CCDC28A: variants seen among roughly 807,000 people sequenced by gnomAD.
The protein encoded by CCDC28A is coiled-coil domain containing 28A.
Under a neutral mutation model 22.1 loss-of-function variants are expected in CCDC28A, and 24 were observed. That is an observed-to-expected ratio of 1.09 (90% CI 0.79 to 1.53). CCDC28A has a LOEUF of 1.53. Ranked by LOEUF, CCDC28A falls within the 40% of genes most tolerant of loss-of-function variation. CCDC28A has a pLI of 0.00. For synonymous variants in CCDC28A, 83 were observed against 74.7 expected, an observed-to-expected ratio of 1.11 and a Z score of -0.57; for missense variants, 170 against 210.7, an observed-to-expected ratio of 0.81 and a Z score of 1.20.
chr6:138,785,516 T>C lies in CCDC28A; in HGVS notation c.477+135T>C, dbSNP rs144679333. 331 of 631,296 alleles carry C rather than the reference T, an allele frequency of 5.2e-4. 2 individuals are homozygous for C. In the East Asian group the frequency reaches 9.1e-3, roughly 17 times the overall value. The allele number at this position is 631,296 out of a possible 1,614,324, so 39.1% of individuals were successfully genotyped here. A position where few individuals can be genotyped will look rare whatever the true frequency, so the allele number is the denominator to read the frequency against. ...CAGTGTTGTGCCGATCGCTGTTGAA[T>C]TGCGGAACACGTTCACCACCCCAGA... is the stretch of plus-strand genomic sequence containing the variant. On this transcript the variant is annotated intron_variant, in intron 4 of 5. Transcript: ENST00000617445.
chr6:138,792,611 A>G, intron 5 of CCDC28A, 138 bp from the exon 6 acceptor site: 2 of 655,948 alleles, frequency 3.0e-6, no homozygotes, highest in South Asian at 1.7e-5. Context: ...TGAGTGTCTC[A>G]GTAGCAACAC....
intron 3 of CCDC28A, among the ~76,000 whole-genome samples, chr6:138,783,498 C>T (rs544095754): frequency 2.0e-5 from 3 of 149,068 alleles, no homozygotes; most frequent in South Asian, 2.1e-4. Flanking sequence ...AGTGCAGTGG[C>T]GCGATCTCTG....
intron 4 of CCDC28A, among the ~76,000 whole-genome samples, chr6:138,786,145 C>T (rs1775091881): frequency 6.6e-6 from 1 of 152,204 alleles, no homozygotes; most frequent in Non-Finnish European, 1.5e-5. Flanking sequence ...GTCGTGTTCA[C>T]ATGGCTTCTT....
At chr6:138,788,961 TATC>T (rs550906435) in intron 5 of CCDC28A, among the ~76,000 whole-genome samples, 94 of 152,332 alleles carry the variant, frequency 6.2e-4, no homozygotes, top group Non-Finnish European at 1.1e-3. Context: ...CTATACTTAA[TATC>T]ATCACATAGG....
intron 1 of CCDC28A, among the ~76,000 whole-genome samples, chr6:138,775,878 A>G (rs921172620): frequency 5.9e-5 from 9 of 152,090 alleles, no homozygotes; most frequent in African/African-American, 1.9e-4. Context: ...AAACAAAACA[A>G]AAACTGTCTA....
intron 5 of CCDC28A, among the ~76,000 whole-genome samples, chr6:138,790,421 A>T (rs1278922271): frequency 2.0e-5 from 3 of 152,192 alleles, no homozygotes; most frequent in African/African-American, 7.2e-5. Flanking sequence ...AAGTGTTGGG[A>T]TTACAGGCAT....
chr6:138,779,791 C>A lies in CCDC28A; in HGVS notation c.159-31C>A, dbSNP rs570813066. 76 of 1,565,090 alleles carry A rather than the reference C, an allele frequency of 4.9e-5. 1 individual carries two copies. The South Asian group carries it at 8.9e-4, about 18-fold the overall frequency. ...AAGCAAAAGCTTAATCTAGAATAGC[C>A]TAAAAAGCCTAAATTTCATCGTCTT... On this transcript the variant is annotated intron_variant, in intron 2 of 5. Coordinates refer to ENST00000617445, the MANE Select transcript of CCDC28A (RefSeq NM_015439.3).
chr6:138,789,845 A>G (rs1288451028), intron 5 of CCDC28A, among the ~76,000 whole-genome samples: 3 of 152,184 alleles, frequency 2.0e-5, no homozygotes, highest in Non-Finnish European at 4.4e-5. Context: ...GGCGATTAAT[A>G]GCTAATCTTC....
At chr6:138,784,368 T>TG (rs1583523149) in intron 3 of CCDC28A, among the ~76,000 whole-genome samples, 1 of 149,974 alleles carries the variant, frequency 6.7e-6, no homozygotes, top group East Asian at 2.0e-4. Context: ...TTTTTTTTTT[T>TG]GAGACAAGGT....
At chr6:138,789,704 A>C (rs9495249) in intron 5 of CCDC28A, among the ~76,000 whole-genome samples, 42,339 of 151,904 alleles carry the variant, frequency 0.28, 6,507 homozygotes, top group African/African-American at 0.41. Flanking sequence ...GGGCGCCTGT[A>C]ATCCCAGCTA....
intron 2 of CCDC28A, among the ~76,000 whole-genome samples, chr6:138,777,028 T>A (rs72985038): frequency 0.031 from 4,793 of 152,300 alleles, 113 homozygotes; most frequent in Non-Finnish European, 0.041. Context: ...CTATGTTATA[T>A]GTTACTGTTA....
chr6:138,776,222 C>T lies in CCDC28A; in HGVS notation c.102C>T (p.Ser34=), dbSNP rs1583519476. Residue 34 remains serine (S), a synonymous_variant, in exon 2 of 6, where the codon AGC becomes AGT. Transcript: ENST00000617445. ...AKKNAIPVSK[S]TGFSNPASQS... is the part of the protein sequence containing the mutation. ...AAAATGCCATTCCAGTGAGTAAAAG[C>T]ACAGGGTTTTCAAATCCTGCATCAC... 1.9e-6 allele frequency: 3 copies of T among 1,613,966 alleles called. No individual in the cohort carries two copies. Among genetic ancestry groups the T allele is most frequent in the African/African-American group, 1.3e-5 (1 of 74,910 alleles).
At chr6:138,780,152 T>G (rs1454152037) in intron 3 of CCDC28A, among the ~76,000 whole-genome samples, 167 bp downstream of exon 3, 1 of 152,214 alleles carries the variant, frequency 6.6e-6, no homozygotes, top group Admixed American at 6.5e-5. Context: ...ATAATTTGCC[T>G]TCTAAAACTT....
chr6:138,788,896 T>C (rs2327901), intron 5 of CCDC28A, among the ~76,000 whole-genome samples: 42,232 of 152,054 alleles, frequency 0.28, 6,487 homozygotes, highest in African/African-American at 0.41. Flanking sequence ...ATGTAAATTA[T>C]TTTGAAGCTT....
chr6:138,792,913 A>T lies in CCDC28A; in HGVS notation c.*110A>T, dbSNP rs1360912633. On this transcript the variant is annotated 3_prime_UTR_variant, in exon 6 of 6. Transcript: ENST00000617445. Reference sequence around the variant, plus strand: ...TCCACAACAAGGAATTAAAGTAATTAAAGTGCAAGTTCAATGATCGTTTTC... The same window carrying T: ...TCCACAACAAGGAATTAAAGTAATTTAAGTGCAAGTTCAATGATCGTTTTC... 1.4e-6 allele frequency: 1 copy of T among 713,014 alleles called. No individual in the cohort carries two copies. The highest frequency in any genetic ancestry group is 2.4e-6 in the Non-Finnish European group (1 of 411,866). The allele number at this position is 713,014 out of a possible 1,614,324, so 44.2% of individuals were successfully genotyped here.
At chr6:138,791,668 A>AGAG (rs1484289516) in intron 5 of CCDC28A, among the ~76,000 whole-genome samples, 3 of 152,150 alleles carry the variant, frequency 2.0e-5, no homozygotes, top group Admixed American at 6.5e-5. Flanking sequence ...CCTCCTACCT[A>AGAG]GAGTTACTCT....
At chr6:138,779,572 A>G (rs753845920) in intron 2 of CCDC28A, among the ~76,000 whole-genome samples, 4 of 152,236 alleles carry the variant, frequency 2.6e-5, no homozygotes, top group Non-Finnish European at 4.4e-5. Context: ...AGTCCAAAGA[A>G]TTAGCATATT....
chr6:138,784,052 ATTTTTT>A (rs1424958592), intron 3 of CCDC28A, among the ~76,000 whole-genome samples: 3 of 151,292 alleles, frequency 2.0e-5, no homozygotes, highest in Admixed American at 2.0e-4. Flanking sequence ...TAATTGGCTG[ATTTTTT>A]GTATTTTTAG....
In CCDC28A at chr6:138,792,869, TC is replaced by T. The variant is rs1775193711; in HGVS notation, c.*68del. On this transcript the variant is annotated 3_prime_UTR_variant, in exon 6 of 6. Transcript: ENST00000617445. The stretch of plus-strand genomic sequence containing the variant: ...AGCAGTCTTTACTTTTCCAGCCAAA[TC>T]CAGTAGCAGAATCATCTTCCACAAC... 1 of 1,026,464 alleles carries T rather than the reference TC, an allele frequency of 9.7e-7. No individual in the cohort carries two copies. Among genetic ancestry groups the T allele is most frequent in the African/African-American group, 1.6e-5 (1 of 63,524 alleles). 63.6% of individuals were successfully genotyped at this position (1,026,464 alleles called of 1,614,324 possible).
Sources: allele counts gnomAD v4.1 joint callset (sites outside exome capture counted in the v4.1 genomes callset), GRCh38; gene constraint gnomAD v4.1.1; transcripts MANE v1.5; gene names NCBI Gene and HGNC (gene_info 2026-07-23, HGNC 2026-07-21).